The following EPHB1 variants were observed in gnomAD, a reference collection of about 807,000 sequenced individuals.
EPHB1 encodes the protein EPH receptor B1.
A neutral mutation model predicts 94.4 loss-of-function variants in EPHB1; 30 were observed. The observed-to-expected ratio is 0.32, with a 90% CI of 0.24 to 0.43. The LOEUF is 0.43. Among genes scored for constraint, EPHB1 ranks in the 20% least tolerant of loss-of-function variants. The pLI, the probability that EPHB1 is intolerant of heterozygous loss-of-function variation, is 1.00. For missense variants in EPHB1, 1,055 were observed against 1,308.3 expected, an observed-to-expected ratio of 0.81 and a Z score of 2.99; for synonymous variants, 522 against 489.1, an observed-to-expected ratio of 1.07 and a Z score of -0.89.
chr3:134,915,557 C>T (rs908234810), intron 1 of EPHB1, among the ~76,000 whole-genome samples: 1 of 152,172 alleles, frequency 6.6e-6, no homozygotes, highest in Non-Finnish European at 1.5e-5. Flanking sequence ...AATGAAGCCA[C>T]GGACCCTTGT....
At chr3:134,806,837 G>C (rs2036051122) in intron 1 of EPHB1, among the ~76,000 whole-genome samples, 1 of 151,810 alleles carries the variant, frequency 6.6e-6, no homozygotes, top group South Asian at 2.1e-4. Flanking sequence ...GCATGAAAAA[G>C]ACAAATAATG....
chr3:134,878,063 C>A (rs981679480), intron 1 of EPHB1, among the ~76,000 whole-genome samples: 1 of 152,190 alleles, frequency 6.6e-6, no homozygotes, highest in Non-Finnish European at 1.5e-5. Flanking sequence ...CCCAGCCTTC[C>A]CCCGGAGGGC....
rs397966930 is a variant in EPHB1 at position 134,811,242 on chromosome 3, G to GTTTTTTTTTTTTTTT, written c.58+15560_58+15574dup. Among the ~76,000 whole-genome samples the GTTTTTTTTTTTTTTT allele has an allele frequency of 1.2e-3, 85 of 73,880 alleles. 9 individuals carry two copies. Among genetic ancestry groups the GTTTTTTTTTTTTTTT allele is most frequent in the East Asian group, 2.6e-3 (7 of 2,670 alleles). The allele number at this position is 73,880 out of a possible 152,430, so 48.5% of individuals were successfully genotyped here. ...TCTCATAGTTGCCCCTACTAAGAAG[G>GTTTTTTTTTTTTTTT]TTTTTTTTTTTTTTTTTTTTTCTGT... is the stretch of plus-strand genomic sequence containing the variant. On this transcript the variant is annotated intron_variant, in intron 1 of 15. Transcript: ENST00000398015.
intron 1 of EPHB1, among the ~76,000 whole-genome samples, chr3:134,874,907 C>A (rs574660105): frequency 6.6e-6 from 1 of 152,198 alleles, no homozygotes; most frequent in Non-Finnish European, 1.5e-5. Context: ...TCATACCAGG[C>A]GGAGCTTGCA....
intron 1 of EPHB1, among the ~76,000 whole-genome samples, chr3:134,863,185 G>A (rs539766694): frequency 2.2e-3 from 329 of 152,324 alleles, no homozygotes; most frequent in African/African-American, 7.7e-3. Context: ...TTACTGGAAG[G>A]AATAAAGACG....
chr3:135,207,301 C>T (rs144317262), intron 12 of EPHB1, among the ~76,000 whole-genome samples: 123 of 152,312 alleles, frequency 8.1e-4, no homozygotes, highest in African/African-American at 2.9e-3. Flanking sequence ...ATTTTACTAT[C>T]ATTTCTCCAC....
intron 3 of EPHB1, among the ~76,000 whole-genome samples, chr3:134,989,484 C>T (rs36097): frequency 0.64 from 96,848 of 151,930 alleles, 32,882 homozygotes; most frequent in African/African-American, 0.85. Flanking sequence ...CGCCTGCACA[C>T]GCACGCGCGC....
At chr3:134,982,646 T>C (rs769608082) in intron 3 of EPHB1, among the ~76,000 whole-genome samples, 1 of 152,114 alleles carries the variant, frequency 6.6e-6, no homozygotes, top group South Asian at 2.1e-4. Context: ...GATGTATTCC[T>C]CCTCACTCGG....
intron 12 of EPHB1, among the ~76,000 whole-genome samples, chr3:135,226,993 A>C (rs1299224536): frequency 1.3e-5 from 2 of 152,204 alleles, no homozygotes; most frequent in African/African-American, 4.8e-5. Flanking sequence ...CAAAGATGAG[A>C]ATAATAGACA....
chr3:135,160,813 C>G (rs1016606377), intron 6 of EPHB1, among the ~76,000 whole-genome samples: 3 of 152,086 alleles, frequency 2.0e-5, no homozygotes, highest in Admixed American at 1.3e-4. Flanking sequence ...AGAGAAGAGG[C>G]CTTGGGAAAC....
At chr3:135,206,988 A>C (rs1942917205) in intron 12 of EPHB1, among the ~76,000 whole-genome samples, 1 of 152,252 alleles carries the variant, frequency 6.6e-6, no homozygotes, top group Admixed American at 6.5e-5. Context: ...TCCAGTTTCA[A>C]AACATGCACA....
intron 12 of EPHB1, among the ~76,000 whole-genome samples, chr3:135,216,818 C>G (rs1438171363): frequency 2.0e-5 from 3 of 151,520 alleles, no homozygotes; most frequent in Non-Finnish European, 4.4e-5. Context: ...TCAATCATTT[C>G]CATTGTTATG....
At chr3:135,022,996 A>C (rs1373523418) in intron 3 of EPHB1, among the ~76,000 whole-genome samples, 1 of 152,134 alleles carries the variant, frequency 6.6e-6, no homozygotes, top group Non-Finnish European at 1.5e-5. Flanking sequence ...GGCCACAATC[A>C]TTTTCTGCAA....
At chr3:134,830,150 C>T (rs1002524984) in intron 1 of EPHB1, among the ~76,000 whole-genome samples, 1 of 152,200 alleles carries the variant, frequency 6.6e-6, no homozygotes, top group Non-Finnish European at 1.5e-5. Flanking sequence ...TCCTCCCCTG[C>T]ACACATATGT....
At chr3:134,961,912 A>T (rs898526520) in intron 3 of EPHB1, among the ~76,000 whole-genome samples, 2 of 152,244 alleles carry the variant, frequency 1.3e-5, no homozygotes, top group Non-Finnish European at 2.9e-5. Context: ...AGAAAAATTA[A>T]TTTATTTATT....
chr3:134,914,424 G>A (rs137919630), intron 1 of EPHB1, among the ~76,000 whole-genome samples: 43 of 152,278 alleles, frequency 2.8e-4, no homozygotes, highest in African/African-American at 8.4e-4. Flanking sequence ...AGCCTTAGAC[G>A]TCTGAGTAAT....
chr3:134,946,111 G>A lies in EPHB1; in HGVS notation c.124-5260G>A, dbSNP rs78081744. Among the ~76,000 whole-genome samples the A allele has an allele frequency of 5.0e-3, 769 of 152,284 alleles. 8 individuals are homozygous for A. The highest frequency in any genetic ancestry group is 0.016 in the African/African-American group (679 of 41,556). The stretch of plus-strand genomic sequence containing the variant: ...TCTAGAGATTCTCCCCTAAAGCATC[G>A]TTCCAGTTTTTGCTGGTCTGTTCCA... On this transcript the variant is annotated intron_variant, in intron 2 of 15. Coordinates refer to ENST00000398015, the MANE Select transcript of EPHB1 (RefSeq NM_004441.5).
At chr3:134,837,699 C>T (rs957833939) in intron 1 of EPHB1, among the ~76,000 whole-genome samples, 3 of 152,152 alleles carry the variant, frequency 2.0e-5, no homozygotes, top group Non-Finnish European at 2.9e-5. Flanking sequence ...GCCAAAAGAA[C>T]GAAGTCCAAA....
At chr3:134,838,333 G>T (rs903095449) in intron 1 of EPHB1, among the ~76,000 whole-genome samples, 4 of 152,200 alleles carry the variant, frequency 2.6e-5, no homozygotes, top group African/African-American at 9.6e-5. Flanking sequence ...AGGAAAATTT[G>T]CTGATCTGGT....
Sources: allele counts gnomAD v4.1 joint callset (sites outside exome capture counted in the v4.1 genomes callset), GRCh38; gene constraint gnomAD v4.1.1; transcripts MANE v1.5; gene names NCBI Gene and HGNC (gene_info 2026-07-23, HGNC 2026-07-21).